The following CFAP57 variants were observed in gnomAD, a reference collection of about 807,000 sequenced individuals.
The protein encoded by CFAP57 is cilia- and flagella-associated protein 57.
In CFAP57, 116 loss-of-function variants were observed where a neutral mutation model predicts 146.8. The ratio of observed to expected loss-of-function variants is 0.79; its 90% CI spans 0.68 to 0.92. The LOEUF (loss-of-function observed/expected upper bound fraction) is 0.92. CFAP57 is among the 40% of genes least tolerant of loss of function. The pLI is 0.00. For synonymous variants in CFAP57, 518 were observed against 552.8 expected (o/e 0.94, Z 0.88); for missense variants, 1,377 against 1,527.2 (o/e 0.90, Z 1.64).
rs1046098460 is a variant in CFAP57 at position 43,234,442 on chromosome 1, A to G, written c.3261+29A>G. 4 of 1,544,006 alleles carry G rather than the reference A, an allele frequency of 2.6e-6. No homozygotes were observed. In the East Asian group the frequency reaches 7.3e-5, roughly 28 times the overall value. On this transcript the variant is annotated intron_variant, in intron 20 of 22. Coordinates refer to ENST00000372492, the MANE Select transcript of CFAP57 (RefSeq NM_001378189.1). Reference sequence around the variant, plus strand: ...AGCTCAGCCTCCCCTCCTGCCATGCACTGACCTCCGGGGTCTCCTCTCCCT... The same window carrying G: ...AGCTCAGCCTCCCCTCCTGCCATGCGCTGACCTCCGGGGTCTCCTCTCCCT...
intron 6 of CFAP57, among the ~76,000 whole-genome samples, chr1:43,194,027 T>C (rs1207477602): frequency 6.6e-6 from 1 of 152,110 alleles, no homozygotes; most frequent in African/African-American, 2.4e-5. Context: ...TATATATTTA[T>C]ATTGTCTTTT....
intron 10 of CFAP57, among the ~76,000 whole-genome samples, chr1:43,207,416 G>A (rs751541905): frequency 3.7e-4 from 56 of 152,286 alleles, no homozygotes; most frequent in Non-Finnish European, 5.0e-4. Context: ...TTTCCATTGC[G>A]TCACAGTTGC....
In CFAP57 at chr1:43,227,154, C is replaced by T. The variant is rs554113118; in HGVS notation, c.3009+28C>T. Reference sequence around the variant, plus strand: ...AAGAAGCCATTTGCAACACTCTGGCCTCTCAGACCCTCTGTCTCTTCTTCC... The same window carrying T: ...AAGAAGCCATTTGCAACACTCTGGCTTCTCAGACCCTCTGTCTCTTCTTCC... On this transcript the variant is annotated intron_variant, in intron 18 of 22. Transcript: ENST00000372492. The T allele has an allele frequency of 2.7e-5, 41 of 1,491,866 alleles. No individual in the cohort carries two copies. In the South Asian group the frequency reaches 5.1e-4, roughly 19 times the overall value. 92.4% of individuals were successfully genotyped at this position (1,491,866 alleles called of 1,614,324 possible).
In CFAP57 at chr1:43,224,091, G is replaced by A. The variant is rs568497055; in HGVS notation, c.2752G>A (p.Glu918Lys). The change falls in exon 17 of 23, where the codon GAG becomes AAG. Residue 918 changes from glutamate (E) to lysine (K), a missense_variant. By Grantham distance (56) the Glu-to-Lys change is moderately conservative. Transcript: ENST00000372492. The part of the protein sequence containing the change: ...KEIEERTNDI[E>K]TLKGEQMKLQ... ...GATTGAAGAACGAACCAATGACATC[G>A]AGACCCTAAAAGGAGAGCAGATGAA... 1.2e-5 allele frequency: 18 copies of A among 1,550,536 alleles called. No homozygotes were observed. Among genetic ancestry groups the A allele is most frequent in the Admixed American group, 3.9e-5 (2 of 50,998 alleles).
In CFAP57 at chr1:43,247,335, A is replaced by G. The variant is rs1163713106; in HGVS notation, c.3538+3976A>G. 2.0e-5 allele frequency among the ~76,000 whole-genome samples: 3 copies of G among 152,196 alleles called. No individual in the cohort carries two copies. In the South Asian group the frequency reaches 6.2e-4, roughly 32 times the overall value. ...CAGAGCCCAAAAAACCACATGATGA[A>G]TATTTTATTCTTCATACACAATTCA... On this transcript the variant is annotated intron_variant, in intron 22 of 22. Coordinates refer to ENST00000372492, the MANE Select transcript of CFAP57 (RefSeq NM_001378189.1).
At position 43,189,571 on chromosome 1, in the gene CFAP57, T is replaced by C. The variant is rs181020452; in HGVS notation, c.1122+2712T>C. Among the ~76,000 whole-genome samples the C allele has an allele frequency of 1.1e-4, 16 of 152,328 alleles. No homozygotes were observed. In the East Asian group the frequency reaches 2.9e-3, roughly 27 times the overall value. On this transcript the variant is annotated intron_variant, in intron 6 of 22. Transcript: ENST00000372492. ...TCTAAGTGTATAGAAATACAATTAA[T>C]TTTTGCATACTGATCTTGTCTCCTG...
At chr1:43,239,146 G>T (rs888933040) in intron 21 of CFAP57, among the ~76,000 whole-genome samples, 2 of 152,100 alleles carry the variant, frequency 1.3e-5, no homozygotes, top group African/African-American at 2.4e-5. Context: ...CTGCAGTGGA[G>T]CCAAGCGGGA....
chr1:43,222,909 A>G lies in CFAP57; in HGVS notation c.2618A>G (p.Asp873Gly), dbSNP rs1055858414. ...GAAGATGAAGACCGAGAAATCCAAG[A>G]TATCAAAACCAAGTATGAGAAAAAG... ...IEEDEDREIQ[D>G]IKTKYEKKLR... The change falls in exon 16 of 23, where the codon GAT (aspartate) becomes GGT (glycine). Residue 873 changes from aspartate (D) to glycine (G), a missense_variant. Physicochemically the swap from Asp to Gly is moderately conservative, Grantham distance 94. Transcript: ENST00000372492. 7 of 1,550,448 alleles carry G rather than the reference A, an allele frequency of 4.5e-6. No homozygotes were observed. The highest frequency in any genetic ancestry group is 6.1e-6 in the Non-Finnish European group (7 of 1,146,952).
chr1:43,199,859 G>A (rs1156864454), intron 9 of CFAP57, among the ~76,000 whole-genome samples: 6 of 152,198 alleles, frequency 3.9e-5, no homozygotes, highest in Non-Finnish European at 8.8e-5. Context: ...AGACTCATAG[G>A]GTGTCAGAGA....
At chr1:43,174,748 A>T (rs1298063984) in intron 2 of CFAP57, among the ~76,000 whole-genome samples, 1 of 152,206 alleles carries the variant, frequency 6.6e-6, no homozygotes, top group Non-Finnish European at 1.5e-5. Context: ...CCCGGGAGGC[A>T]GAGGTTGTGG....
At chr1:43,211,106 G>C (rs553055628) in intron 11 of CFAP57, among the ~76,000 whole-genome samples, 1 of 152,120 alleles carries the variant, frequency 6.6e-6, no homozygotes, top group South Asian at 2.1e-4. Context: ...TGCAACACTA[G>C]CTGTATTAAG....
At chr1:43,243,661 C>A (rs1406219578) in intron 22 of CFAP57, among the ~76,000 whole-genome samples, 1 of 152,204 alleles carries the variant, frequency 6.6e-6, no homozygotes, top group Non-Finnish European at 1.5e-5. Context: ...GGGTCTGGGG[C>A]AGTGCCCTAA....
chr1:43,186,660 A>G (rs778586366), intron 5 of CFAP57, 47 bp from the exon 6 acceptor site: 11 of 1,585,286 alleles, frequency 6.9e-6, no homozygotes, highest in African/African-American at 2.7e-5. Context: ...TAAGGCCACA[A>G]TGACAACGTG....
chr1:43,177,238 G>T (rs1645208674), intron 2 of CFAP57: 1 of 456,234 alleles, frequency 2.2e-6, no homozygotes, highest in Middle Eastern at 3.3e-4. Context: ...CTTGGAGCAG[G>T]TAGAGGCAGG....
intron 17 of CFAP57, among the ~76,000 whole-genome samples, chr1:43,224,935 C>G (rs1271068089): frequency 6.6e-6 from 1 of 152,178 alleles, no homozygotes. Flanking sequence ...TTCATTTTCT[C>G]ACCTATAAAA....
At chr1:43,226,472 CT>C (rs1275252682) in intron 17 of CFAP57, among the ~76,000 whole-genome samples, 1 of 152,212 alleles carries the variant, frequency 6.6e-6, no homozygotes, top group African/African-American at 2.4e-5. Flanking sequence ...TGTAGTTGGA[CT>C]TCTTACATAG....
rs770457360 is a variant in CFAP57 at position 43,186,767 on chromosome 1, C to T, written c.1030C>T (p.Leu344=). 18 of 1,614,078 alleles carry T rather than the reference C, an allele frequency of 1.1e-5. No homozygotes were observed. The Admixed American group carries it at 2.5e-4, about 22-fold the overall frequency. Residue 344 remains leucine, a synonymous_variant, in exon 6 of 23, where the codon CTG becomes TTG. Transcript: ENST00000372492. The part of the protein sequence containing the change: ...SQSDKQDVLC[L]CFSPSEETLV... Reference sequence around the variant, plus strand: ...GTCTGACAAACAGGACGTTCTCTGCCTGTGCTTCAGCCCCTCAGAGGAAAC... The same window carrying T: ...GTCTGACAAACAGGACGTTCTCTGCTTGTGCTTCAGCCCCTCAGAGGAAAC...
rs570808727 is a variant in CFAP57, at chr1:43,185,369, GA to G, written c.969+21del. On this transcript the variant is annotated intron_variant, in intron 5 of 22. Transcript: ENST00000372492. Reference sequence around the variant, plus strand: ...CAGAGAAATCAGGGTAAGGCGGGAAGAAAAAAAAGAAGTAAAATGGGGGTCC... The same window carrying G: ...CAGAGAAATCAGGGTAAGGCGGGAAGAAAAAAAGAAGTAAAATGGGGGTCC... 2,089 of 1,611,980 alleles carry G rather than the reference GA, an allele frequency of 1.3e-3. 3 individuals carry two copies. The highest frequency in any genetic ancestry group is 2.1e-3 in the South Asian group (189 of 90,928).
intron 5 of CFAP57, among the ~76,000 whole-genome samples, chr1:43,186,455 C>CA (rs1423826037): frequency 6.6e-6 from 1 of 151,588 alleles, no homozygotes; most frequent in Non-Finnish European, 1.5e-5. Context: ...ACTAAAAATA[C>CA]AAAAAATTAG....
Sources: allele counts gnomAD v4.1 joint callset (sites outside exome capture counted in the v4.1 genomes callset), GRCh38; gene constraint gnomAD v4.1.1; transcripts MANE v1.5; gene names NCBI Gene and HGNC (gene_info 2026-07-23, HGNC 2026-07-21).